LRRC74A: variants seen among roughly 807,000 people sequenced by gnomAD.
LRRC74A encodes leucine rich repeat containing 74A.
Under a neutral mutation model 57.9 loss-of-function variants are expected in LRRC74A, and 44 were observed. The observed-to-expected ratio is 0.76, with a 90% CI of 0.60 to 0.98. The LOEUF (loss-of-function observed/expected upper bound fraction) is 0.98. Among genes scored for constraint, LRRC74A ranks in the 50% least tolerant of loss-of-function variants. The pLI is 0.00. For missense variants in LRRC74A, 572 were observed against 574.0 expected (o/e 1.00, Z 0.04); for synonymous variants, 211 against 219.4 (o/e 0.96, Z 0.34).
At chr14:76,843,267 G>T (rs1348105474) in intron 5 of LRRC74A, among the ~76,000 whole-genome samples, 2 of 136,920 alleles carry the variant, frequency 1.5e-5, no homozygotes, top group African/African-American at 2.9e-5. Context: ...CAGTCTGGGT[G>T]ACAGAGCGAG....
intron 9 of LRRC74A, among the ~76,000 whole-genome samples, chr14:76,856,051 C>T (rs1357718658): frequency 1.3e-5 from 2 of 152,208 alleles, no homozygotes; most frequent in African/African-American, 4.8e-5. Flanking sequence ...GGGATAATGT[C>T]CTTGTTCCTT....
intron 9 of LRRC74A, among the ~76,000 whole-genome samples, chr14:76,854,230 C>A (rs182138584): frequency 3.1e-4 from 47 of 152,360 alleles, no homozygotes; most frequent in African/African-American, 1.1e-3. Flanking sequence ...TCCCATGGAA[C>A]TTGCTGCCCT....
intron 8 of LRRC74A, among the ~76,000 whole-genome samples, chr14:76,852,810 G>A (rs984737538): frequency 6.6e-6 from 1 of 151,902 alleles, no homozygotes; most frequent in East Asian, 1.9e-4. Flanking sequence ...GTAGAAACGG[G>A]GTTGTACCAT....
At chr14:76,865,066 G>A (rs1388439903) in intron 11 of LRRC74A, among the ~76,000 whole-genome samples, 2 of 152,216 alleles carry the variant, frequency 1.3e-5, no homozygotes, top group Non-Finnish European at 2.9e-5. Context: ...CCTCTGTGTG[G>A]TGGTATTGGA....
Position 76,870,208 on chromosome 14 carries a change from G to A in LRRC74A, c.*59G>A. On this transcript the variant is annotated 3_prime_UTR_variant, in exon 14 of 14. Coordinates refer to ENST00000689127, the MANE Select transcript of LRRC74A (RefSeq NM_001385106.1). ...GAGGAGTCCTCGCAAGTCGGATGGT[G>A]GCAGGGAGGAGAGCAAGAGGTGGCT... 6.4e-7 allele frequency: 1 copy of A among 1,562,368 alleles called. No individual in the cohort carries two copies.
chr14:76,836,434 C>T lies in LRRC74A; in HGVS notation c.447+120C>T, dbSNP rs1036911558. ...CTCCAGGCTCCTGCCCGCCCCTGCC[C>T]TTCCCACACGACTTCTTAGAGGAGG... On this transcript the variant is annotated intron_variant, in intron 4 of 13. Coordinates refer to ENST00000689127, the MANE Select transcript of LRRC74A (RefSeq NM_001385106.1). 17 of 631,698 alleles carry T rather than the reference C, an allele frequency of 2.7e-5. No individual in the cohort carries two copies. In the African/African-American group the frequency reaches 3.1e-4, roughly 12 times the overall value. 39.1% of individuals were successfully genotyped at this position (631,698 alleles called of 1,614,324 possible). A position where few individuals can be genotyped will look rare whatever the true frequency, so the allele number is the denominator to read the frequency against.
At position 76,867,386 on chromosome 14, in the gene LRRC74A, G is replaced by T. The variant is rs781686298; in HGVS notation, c.1339G>T (p.Val447Phe). The T allele has an allele frequency of 6.3e-7, 1 of 1,596,364 alleles. No homozygotes were observed. Among genetic ancestry groups the T allele is most frequent in the Admixed American group, 1.7e-5 (1 of 59,856 alleles). ...CAAGGTCCCCCTGAACCAGTACCAG[G>T]TCAGGGAGGTGATAAAGAAGCTCGA... ...QNKVPLNQYQ[V>F]REVIKKLDEK... is the part of the protein sequence containing the mutation. The change falls in exon 13 of 14, where the codon GTC (valine) becomes TTC (phenylalanine). Residue 447 changes from valine to phenylalanine, a missense_variant. Transcript: ENST00000689127.
chr14:76,859,662 C>CTTTTTTTT (rs1025552496), intron 10 of LRRC74A, among the ~76,000 whole-genome samples: 10 of 80,894 alleles, frequency 1.2e-4, no homozygotes, highest in Admixed American at 1.6e-4. Flanking sequence ...CTGAATTAGC[C>CTTTTTTTT]TTTTTTTTTT....
intron 5 of LRRC74A, among the ~76,000 whole-genome samples, chr14:76,843,666 T>TTCCTG (rs776615617): frequency 6.6e-6 from 1 of 152,174 alleles, no homozygotes; most frequent in East Asian, 1.9e-4. Flanking sequence ...TTTAAGTCCC[T>TTCCTG]TCCTGTCCTG....
chr14:76,869,074 TCCTCACCTGCCCCGTG>T (rs1195802030), intron 13 of LRRC74A, among the ~76,000 whole-genome samples: 1 of 11,836 alleles, frequency 8.4e-5, no homozygotes. Context: ...TCCCTGTGCC[TCCTCACCTGCCCCGTG>T]CCTCCTCACC....
intron 6 of LRRC74A, 89 bp downstream of exon 6, chr14:76,844,561 A>G: frequency 7.5e-7 from 1 of 1,341,554 alleles, no homozygotes. Flanking sequence ...CAGTAACGTG[A>G]GGCTACTTTC....
intron 13 of LRRC74A, among the ~76,000 whole-genome samples, 196 bp from the exon 14 acceptor site, chr14:76,869,927 TAA>T (rs978760076): frequency 6.6e-6 from 1 of 151,922 alleles, no homozygotes; most frequent in Non-Finnish European, 1.5e-5. Flanking sequence ...CACATACTTA[TAA>T]GTGTGTGTGT....
At chr14:76,846,705 T>C (rs537377707) in intron 7 of LRRC74A, among the ~76,000 whole-genome samples, 42 of 152,250 alleles carry the variant, frequency 2.8e-4, no homozygotes, top group Admixed American at 1.8e-3. Flanking sequence ...CTCATGGTCA[T>C]TTTGCTTCAG....
intron 7 of LRRC74A, among the ~76,000 whole-genome samples, chr14:76,847,741 A>T (rs2140285672): frequency 6.6e-6 from 1 of 152,114 alleles, no homozygotes; most frequent in African/African-American, 2.4e-5. Context: ...GGAAACCCAA[A>T]TGGAGGAGGT....
At chr14:76,856,728 G>C (rs977047550) in intron 9 of LRRC74A, among the ~76,000 whole-genome samples, 6 of 148,588 alleles carry the variant, frequency 4.0e-5, no homozygotes, top group African/African-American at 1.5e-4. Flanking sequence ...GGATGGATGA[G>C]CAGTGAGATG....
At chr14:76,853,000 T>C (rs1370642165) in intron 8 of LRRC74A, among the ~76,000 whole-genome samples, 1 of 151,928 alleles carries the variant, frequency 6.6e-6, no homozygotes, top group Non-Finnish European at 1.5e-5. Flanking sequence ...GTTTAATTAG[T>C]GGGTAGGGAA....
intron 11 of LRRC74A, among the ~76,000 whole-genome samples, chr14:76,861,802 G>C (rs184536406): frequency 6.6e-6 from 1 of 152,216 alleles, no homozygotes; most frequent in African/African-American, 2.4e-5. Context: ...GCCGCAGAGC[G>C]GTTACTACCT....
chr14:76,859,662 C>CTTTTTTTTTTTTTTTTT (rs1025552496), intron 10 of LRRC74A, among the ~76,000 whole-genome samples: 7 of 80,896 alleles, frequency 8.7e-5, no homozygotes, highest in African/African-American at 1.0e-4. Flanking sequence ...CTGAATTAGC[C>CTTTTTTTTTTTTTTTTT]TTTTTTTTTT....
At chr14:76,863,385 G>A (rs1400957016) in intron 11 of LRRC74A, among the ~76,000 whole-genome samples, 1 of 152,110 alleles carries the variant, frequency 6.6e-6, no homozygotes, top group Non-Finnish European at 1.5e-5. Flanking sequence ...ATTGCTTCCG[G>A]ATCCTCTTTG....
Sources: gnomAD v4.1 joint callset for allele counts (sites outside exome capture counted in the v4.1 genomes callset) on GRCh38, gnomAD v4.1.1 for gene constraint, MANE v1.5 for transcripts, NCBI Gene and HGNC (gene_info 2026-07-23, HGNC 2026-07-21) for gene names.